Variants in ASIC2 observed in about 807,000 individuals in gnomAD.
ASIC2 encodes the protein acid sensing ion channel subunit 2.
In ASIC2, 25 loss-of-function variants were observed where a neutral mutation model predicts 57.3. The observed-to-expected ratio is 0.44, with a 90% CI of 0.32 to 0.61. The LOEUF is 0.61. ASIC2 is among the 20% of genes least tolerant of loss of function. The pLI is 0.06. For missense variants in ASIC2, 641 were observed against 738.1 expected (o/e 0.87, Z 1.52); for synonymous variants, 319 against 307.5 (o/e 1.04, Z -0.39).
At chr17:33,703,356 T>C (rs1212707096) in intron 1 of ASIC2, among the ~76,000 whole-genome samples, 3 of 151,840 alleles carry the variant, frequency 2.0e-5, no homozygotes, top group Non-Finnish European at 4.4e-5. Flanking sequence ...TTGTTGTTGT[T>C]GTTGTTGTTG....
intron 1 of ASIC2, among the ~76,000 whole-genome samples, chr17:33,949,278 A>T (rs1904484344): frequency 1.3e-5 from 2 of 152,092 alleles, no homozygotes; most frequent in Admixed American, 1.3e-4. Flanking sequence ...CACGAGCGAG[A>T]ACTGGTCACT....
chr17:33,517,737 A>G (rs1755447598), intron 1 of ASIC2, among the ~76,000 whole-genome samples: 2 of 151,490 alleles, frequency 1.3e-5, no homozygotes, highest in South Asian at 4.2e-4. Context: ...ATTAGGAGAT[A>G]TACCAAATGT....
chr17:34,079,435 G>C (rs1034163040), intron 1 of ASIC2, among the ~76,000 whole-genome samples: 3 of 152,120 alleles, frequency 2.0e-5, no homozygotes, highest in African/African-American at 7.2e-5. Flanking sequence ...TCTGCTCTAG[G>C]ACTATATCCT....
At chr17:34,034,851 T>G (rs547429194) in intron 1 of ASIC2, among the ~76,000 whole-genome samples, 39 of 152,000 alleles carry the variant, frequency 2.6e-4, no homozygotes, top group African/African-American at 8.9e-4. Context: ...CACTGCTCAA[T>G]GAAATAAAAG....
chr17:33,050,884 T>A (rs1260271699), intron 3 of ASIC2, among the ~76,000 whole-genome samples: 1 of 152,080 alleles, frequency 6.6e-6, no homozygotes, highest in African/African-American at 2.4e-5. Context: ...GTGCTTTGCA[T>A]AGATTAGGTA....
chr17:33,126,893 C>T (rs1268004185), intron 1 of ASIC2, among the ~76,000 whole-genome samples: 3 of 115,778 alleles, frequency 2.6e-5, no homozygotes, highest in African/African-American at 7.1e-5. Flanking sequence ...CGGAGTCTCG[C>T]TCTGTCGCCC....
At chr17:33,957,019 G>A (rs529358262) in intron 1 of ASIC2, among the ~76,000 whole-genome samples, 1 of 152,312 alleles carries the variant, frequency 6.6e-6, no homozygotes. Context: ...CTGACAATCA[G>A]AATAATGGGG....
intron 1 of ASIC2, among the ~76,000 whole-genome samples, chr17:33,331,550 G>A (rs995722287): frequency 6.6e-6 from 1 of 152,168 alleles, no homozygotes; most frequent in Non-Finnish European, 1.5e-5. Context: ...TAAAAGCATA[G>A]AATTGAAAGA....
At chr17:33,541,744 C>T (rs1915417868) in intron 1 of ASIC2, among the ~76,000 whole-genome samples, 1 of 152,134 alleles carries the variant, frequency 6.6e-6, no homozygotes, top group Admixed American at 6.5e-5. Flanking sequence ...TGCAAGTGCC[C>T]CTTCCCAAGC....
intron 1 of ASIC2, among the ~76,000 whole-genome samples, chr17:34,067,070 C>T (rs547142650): frequency 1.3e-4 from 20 of 152,286 alleles, no homozygotes; most frequent in South Asian, 4.1e-4. Context: ...AGCACGTGTC[C>T]GTCTCTCATA....
At chr17:33,014,682 G>C (rs1427204688) in intron 9 of ASIC2, among the ~76,000 whole-genome samples, 2 of 152,116 alleles carry the variant, frequency 1.3e-5, no homozygotes, top group Non-Finnish European at 2.9e-5. Flanking sequence ...ATGGGAGCAG[G>C]GCACCGCTAG....
chr17:33,622,686 A>G (rs866333048), intron 1 of ASIC2, among the ~76,000 whole-genome samples: 10 of 152,356 alleles, frequency 6.6e-5, no homozygotes, highest in African/African-American at 2.2e-4. Context: ...GGATAGTTCT[A>G]AGAATTAAAT....
intron 1 of ASIC2, among the ~76,000 whole-genome samples, chr17:33,921,377 A>C (rs1438450694): frequency 6.6e-6 from 1 of 152,218 alleles, no homozygotes; most frequent in East Asian, 1.9e-4. Flanking sequence ...CAGTATGGAA[A>C]ACATATAACT....
chr17:34,095,169 A>C (rs1350045570), intron 1 of ASIC2, among the ~76,000 whole-genome samples: 1 of 151,950 alleles, frequency 6.6e-6, no homozygotes, highest in Admixed American at 6.5e-5. Flanking sequence ...TTTATATATC[A>C]GTAGCAATCA....
chr17:33,573,921 C>CTT (rs1190419116), intron 1 of ASIC2, among the ~76,000 whole-genome samples: 2 of 152,170 alleles, frequency 1.3e-5, no homozygotes, highest in Admixed American at 1.3e-4. Context: ...TCCACTGTAA[C>CTT]TTTTTCTGCC....
At chr17:33,539,715 C>T (rs1471384325) in intron 1 of ASIC2, among the ~76,000 whole-genome samples, 1 of 152,202 alleles carries the variant, frequency 6.6e-6, no homozygotes, top group African/African-American at 2.4e-5. Context: ...CAATCCTTGA[C>T]TAGCTCGGGT....
At chr17:33,526,022 G>T (rs1048222900) in intron 1 of ASIC2, among the ~76,000 whole-genome samples, 1 of 152,168 alleles carries the variant, frequency 6.6e-6, no homozygotes, top group Non-Finnish European at 1.5e-5. Flanking sequence ...TCTTCCTGAA[G>T]ATTCTGATTC....
At chr17:33,920,930 T>C (rs1319517860) in intron 1 of ASIC2, among the ~76,000 whole-genome samples, 4 of 152,172 alleles carry the variant, frequency 2.6e-5, no homozygotes, top group Non-Finnish European at 5.9e-5. Context: ...GTCCTAGCCC[T>C]AGAAGTCCAG....
intron 1 of ASIC2, among the ~76,000 whole-genome samples, chr17:33,410,635 T>C (rs1467467289): frequency 6.6e-6 from 1 of 152,142 alleles, no homozygotes; most frequent in Admixed American, 6.5e-5. Context: ...GAGGCCCTCG[T>C]GCCCATTCTT....
Sources: gnomAD v4.1 joint callset for allele counts (sites outside exome capture counted in the v4.1 genomes callset) on GRCh38, gnomAD v4.1.1 for gene constraint, MANE v1.5 for transcripts, NCBI Gene and HGNC (gene_info 2026-07-23, HGNC 2026-07-21) for gene names.